CALCRL: variants seen among roughly 807,000 people sequenced by gnomAD.
The protein encoded by CALCRL is calcitonin receptor like receptor, also known as calcitonin gene-related peptide type 1 receptor.
CALCRL carries 27 observed loss-of-function variants against 60.4 expected under a neutral mutation model. That is an observed-to-expected ratio of 0.45 (90% CI 0.33 to 0.62). The LOEUF (loss-of-function observed/expected upper bound fraction) is 0.62. Among genes scored for constraint, CALCRL ranks in the 20% least tolerant of loss-of-function variants. CALCRL has a pLI of 0.03. For missense variants in CALCRL, 424 were observed against 540.7 expected (o/e 0.78, Z 2.14); for synonymous variants, 190 against 182.6 (o/e 1.04, Z -0.33).
intron 1 of CALCRL, among the ~76,000 whole-genome samples, chr2:187,444,948 C>T (rs558589289): frequency 3.2e-4 from 49 of 151,530 alleles, no homozygotes; most frequent in Non-Finnish European, 5.8e-4. Context: ...TTATTTTCCA[C>T]CTATTTGCAT....
chr2:187,426,194 G>A (rs1690111189), intron 1 of CALCRL, among the ~76,000 whole-genome samples: 1 of 150,816 alleles, frequency 6.6e-6, no homozygotes, highest in African/African-American at 2.4e-5. Flanking sequence ...CATTAGATGA[G>A]CACGTAACAC....
chr2:187,430,273 T>G (rs1165753985), intron 1 of CALCRL, among the ~76,000 whole-genome samples: 1 of 152,172 alleles, frequency 6.6e-6, no homozygotes, highest in Non-Finnish European at 1.5e-5. Context: ...GATCTATTTT[T>G]GGGTCCAGCA....
chr2:187,346,126 G>A lies in CALCRL; in HGVS notation c.*58C>T. On this transcript the variant is annotated 3_prime_UTR_variant, in exon 15 of 15. Coordinates refer to ENST00000392370, the MANE Select transcript of CALCRL (RefSeq NM_005795.6). Reference sequence around the variant, plus strand: ...GAAGTCTTCTGGCTACAGAGTCATGGGTCCAAGTCCTTGAGTTAGGAGAAG... The same window carrying A: ...GAAGTCTTCTGGCTACAGAGTCATGAGTCCAAGTCCTTGAGTTAGGAGAAG... 2 of 1,063,152 alleles carry A rather than the reference G, an allele frequency of 1.9e-6. No homozygotes were observed. Among genetic ancestry groups the A allele is most frequent in the South Asian group, 1.5e-5 (1 of 66,660 alleles). 65.9% of individuals were successfully genotyped at this position (1,063,152 alleles called of 1,614,324 possible).
intron 5 of CALCRL, among the ~76,000 whole-genome samples, chr2:187,381,561 T>A (rs1314314767): frequency 6.6e-6 from 1 of 152,058 alleles, no homozygotes; most frequent in African/African-American, 2.4e-5. Flanking sequence ...GTTCAAGTGA[T>A]TCTCCTGCCT....
chr2:187,379,237 A>C (rs1687890714), intron 7 of CALCRL, among the ~76,000 whole-genome samples: 1 of 152,164 alleles, frequency 6.6e-6, no homozygotes, highest in Non-Finnish European at 1.5e-5. Context: ...AATTATCAAA[A>C]TTTATAAGTT....
chr2:187,381,853 A>G (rs981008833), intron 5 of CALCRL, among the ~76,000 whole-genome samples: 1 of 152,204 alleles, frequency 6.6e-6, no homozygotes, highest in East Asian at 1.9e-4. Flanking sequence ...ATCGGCATTT[A>G]TCTAGCCCTC....
At chr2:187,413,324 A>G (rs978225252) in intron 1 of CALCRL, among the ~76,000 whole-genome samples, 1 of 152,162 alleles carries the variant, frequency 6.6e-6, no homozygotes, top group Non-Finnish European at 1.5e-5. Context: ...TGAAACATTC[A>G]TTGTTTTCTT....
intron 1 of CALCRL, among the ~76,000 whole-genome samples, chr2:187,416,426 A>G (rs1378272593): frequency 6.6e-6 from 1 of 152,196 alleles, no homozygotes; most frequent in South Asian, 2.1e-4. Context: ...TAATAGATCC[A>G]AATAGATACA....
intron 1 of CALCRL, chr2:187,442,087 TATATATATATATATATATAC>T (rs1214906577): frequency 1.9e-5 from 2 of 104,440 alleles, no homozygotes; most frequent in African/African-American, 8.6e-5. Flanking sequence ...TATATATATA[TATATATATATATATATATAC>T]ATACACACAC....
At chr2:187,434,638 G>A (rs1203107063) in intron 1 of CALCRL, among the ~76,000 whole-genome samples, 1 of 152,088 alleles carries the variant, frequency 6.6e-6, no homozygotes, top group Non-Finnish European at 1.5e-5. Context: ...TGTACCAGGA[G>A]ATATGTTAAC....
At chr2:187,438,421 A>G (rs749241339) in intron 1 of CALCRL, among the ~76,000 whole-genome samples, 19 of 152,332 alleles carry the variant, frequency 1.2e-4, no homozygotes, top group South Asian at 4.1e-4. Context: ...TTACAGACTG[A>G]CAAACATGTC....
intron 1 of CALCRL, among the ~76,000 whole-genome samples, chr2:187,440,795 C>T (rs1007398364): frequency 2.0e-5 from 3 of 151,958 alleles, no homozygotes; most frequent in Non-Finnish European, 4.4e-5. Context: ...ATGATCAAAA[C>T]GACTTTCACA....
At chr2:187,360,785 GT>G in intron 9 of CALCRL, 34 bp from the exon 10 acceptor site, 1 of 1,575,526 alleles carries the variant, frequency 6.3e-7, no homozygotes, top group Non-Finnish European at 8.6e-7. Context: ...ATATTTACTT[GT>G]TTATGAATTC....
chr2:187,436,713 A>G (rs2105902283), intron 1 of CALCRL: 1 of 152,352 alleles, frequency 6.6e-6, no homozygotes, highest in East Asian at 1.9e-4. Flanking sequence ...CCCATTGTCC[A>G]TGGCCATGTA....
intron 1 of CALCRL, among the ~76,000 whole-genome samples, chr2:187,394,367 A>T (rs964342045): frequency 6.6e-6 from 1 of 152,238 alleles, no homozygotes; most frequent in Middle Eastern, 3.4e-3. Context: ...TGAAACAAAG[A>T]AACAAGCCAA....
At chr2:187,415,700 A>G in intron 1 of CALCRL, 4 of 583,422 alleles carry the variant, frequency 6.9e-6, no homozygotes, top group South Asian at 5.3e-5. Context: ...TCCGACTTCA[A>G]CAGTGACACC....
At chr2:187,412,725 A>G (rs1449373332) in intron 1 of CALCRL, among the ~76,000 whole-genome samples, 1 of 152,218 alleles carries the variant, frequency 6.6e-6, no homozygotes, top group Non-Finnish European at 1.5e-5. Context: ...GAGTTGAATC[A>G]AGCCTCAAGG....
intron 8 of CALCRL, among the ~76,000 whole-genome samples, chr2:187,371,045 A>G (rs1260581722): frequency 6.6e-6 from 1 of 152,064 alleles, no homozygotes; most frequent in African/African-American, 2.4e-5. Flanking sequence ...GATCAAGATC[A>G]TCCTGGCTAA....
rs186989140 is a variant in CALCRL at position 187,408,256 on chromosome 2, G to A, written c.-292-20500C>T. ...AAAATATTACAGTTTGCAACACAGTGCTATTTTCATGTTTATTTATATATT... is the reference window on the plus strand; with the variant it reads ...AAAATATTACAGTTTGCAACACAGTACTATTTTCATGTTTATTTATATATT... On this transcript the variant is annotated intron_variant, in intron 1 of 14. Coordinates refer to ENST00000392370, the MANE Select transcript of CALCRL (RefSeq NM_005795.6). Among the ~76,000 whole-genome samples the A allele has an allele frequency of 7.9e-5, 12 of 152,040 alleles. No individual in the cohort carries two copies. The East Asian group carries it at 2.3e-3, about 29-fold the overall frequency.
Sources: allele counts gnomAD v4.1 joint callset (sites outside exome capture counted in the v4.1 genomes callset), GRCh38; gene constraint gnomAD v4.1.1; transcripts MANE v1.5; gene names NCBI Gene and HGNC (gene_info 2026-07-23, HGNC 2026-07-21).